XIRP2: variants seen among roughly 807,000 people sequenced by gnomAD.
XIRP2 encodes xin actin-binding repeat-containing protein 2.
A neutral mutation model predicts 277.0 loss-of-function variants in XIRP2; 236 were observed. The ratio of observed to expected loss-of-function variants is 0.85; its 90% confidence interval spans 0.77 to 0.95. The LOEUF (loss-of-function observed/expected upper bound fraction) is 0.95. XIRP2 is among the 40% of genes least tolerant of loss of function. The probability of loss-of-function intolerance (pLI) is 0.00; values close to 1 mark genes in which losing one functional copy is unlikely to be tolerated. For missense variants in XIRP2, 4,640 were observed against 4,157.5 expected (o/e 1.12, Z -3.19); for synonymous variants, 1,490 against 1,416.5 (o/e 1.05, Z -1.17).
At chr2:167,038,678 A>T (rs1213998699) in intron 2 of XIRP2, among the ~76,000 whole-genome samples, 1 of 151,968 alleles carries the variant, frequency 6.6e-6, no homozygotes, top group Non-Finnish European at 1.5e-5. Flanking sequence ...TTTTAAATAG[A>T]GAGTCCTATC....
chr2:167,223,396 G>A (rs1694490618), intron 5 of XIRP2, among the ~76,000 whole-genome samples: 1 of 152,162 alleles, frequency 6.6e-6, no homozygotes, highest in South Asian at 2.1e-4. Context: ...CTGAGTGACA[G>A]TATATATCTT....
intron 3 of XIRP2, among the ~76,000 whole-genome samples, chr2:167,169,407 A>G (rs1488400301): frequency 6.6e-6 from 1 of 152,228 alleles, no homozygotes; most frequent in African/African-American, 2.4e-5. Flanking sequence ...CTCCTCAAGT[A>G]CAGTTCACTT....
At chr2:166,933,489 A>G (rs1377421603) in intron 2 of XIRP2, among the ~76,000 whole-genome samples, 1 of 152,030 alleles carries the variant, frequency 6.6e-6, no homozygotes, top group East Asian at 1.9e-4. Context: ...ATCTCAAAAT[A>G]TTAAATCTCT....
chr2:167,110,550 G>C (rs938229902), intron 2 of XIRP2, among the ~76,000 whole-genome samples: 1 of 152,102 alleles, frequency 6.6e-6, no homozygotes, highest in African/African-American at 2.4e-5. Context: ...TTTTGTACCA[G>C]TAGCATGCTG....
chr2:166,967,616 G>A (rs774096743), intron 2 of XIRP2, among the ~76,000 whole-genome samples: 1 of 151,942 alleles, frequency 6.6e-6, no homozygotes, highest in Non-Finnish European at 1.5e-5. Flanking sequence ...AGAGGACAGA[G>A]GTCTTATGCT....
intron 2 of XIRP2, among the ~76,000 whole-genome samples, chr2:167,101,825 A>G (rs1690496384): frequency 6.6e-6 from 1 of 152,210 alleles, no homozygotes; most frequent in Non-Finnish European, 1.5e-5. Context: ...AATTTCAATC[A>G]AAAAAGTTGC....
chr2:166,950,038 G>A (rs1198926808), intron 2 of XIRP2, among the ~76,000 whole-genome samples: 1 of 151,882 alleles, frequency 6.6e-6, no homozygotes, highest in Non-Finnish European at 1.5e-5. Flanking sequence ...GATATAAAAG[G>A]ATATGTCATC....
chr2:167,245,167 G>A lies in XIRP2; in HGVS notation c.3775G>A (p.Glu1259Lys). 1 of 1,613,436 alleles carries A rather than the reference G, an allele frequency of 6.2e-7. No individual in the cohort carries two copies. Among genetic ancestry groups the A allele is most frequent in the Non-Finnish European group, 8.5e-7 (1 of 1,179,662 alleles). Residue 1259 changes from glutamate to lysine, a missense_variant, in exon 9 of 11, where the codon GAA becomes AAA. Glu to Lys is a moderately conservative substitution (Grantham distance 56). Coordinates refer to ENST00000409195, the MANE Select transcript of XIRP2 (RefSeq NM_152381.6). ...GATAAAAGAAAGCCAAGAAGGTGAT[G>A]AATGTGTTAAGACGGTGACAGACAT... Reference protein sequence around the residue: ...DKIKESQEGDECVKTVTDIQG... With the variant: ...DKIKESQEGDKCVKTVTDIQG...
At chr2:167,191,184 T>TC (rs1693319640) in intron 3 of XIRP2, among the ~76,000 whole-genome samples, 1 of 91,864 alleles carries the variant, frequency 1.1e-5, no homozygotes, top group Admixed American at 1.5e-4. Flanking sequence ...AGACCCTGTC[T>TC]CAAAAAAAAA....
At chr2:167,239,813 T>C in intron 5 of XIRP2, 42 bp from the exon 6 acceptor site, 1 of 1,529,166 alleles carries the variant, frequency 6.5e-7, no homozygotes, top group Non-Finnish European at 8.8e-7. Context: ...TTAAAATTTT[T>C]ACTTTTCTTA....
At chr2:167,071,438 G>T (rs776737932) in intron 2 of XIRP2, among the ~76,000 whole-genome samples, 3 of 152,146 alleles carry the variant, frequency 2.0e-5, no homozygotes, top group Non-Finnish European at 4.4e-5. Flanking sequence ...CGACACGCCG[G>T]AACAAGCCTG....
chr2:167,135,769 T>G (rs1176173159), intron 2 of XIRP2, 140 bp from the exon 3 acceptor site: 6 of 778,256 alleles, frequency 7.7e-6, no homozygotes, highest in Middle Eastern at 4.1e-4. Flanking sequence ...GTTATCAACA[T>G]TTTACCTGAA....
At chr2:167,005,180 T>A (rs1476273107) in intron 2 of XIRP2, among the ~76,000 whole-genome samples, 1 of 151,776 alleles carries the variant, frequency 6.6e-6, no homozygotes, top group African/African-American at 2.4e-5. Context: ...TTTCTGAGAG[T>A]CCCACTGCAC....
rs557203862 is a variant in XIRP2 at position 167,163,227 on chromosome 2, T to A, written c.562+27165T>A. ...CATATGTTAAGTCATTAATTAAATT[T>A]TTAAGAAACCATCAAACTGTTTTCC... is the stretch of plus-strand genomic sequence containing the variant. On this transcript the variant is annotated intron_variant, in intron 3 of 10. Coordinates refer to ENST00000409195, the MANE Select transcript of XIRP2 (RefSeq NM_152381.6). 9.8e-5 allele frequency among the ~76,000 whole-genome samples: 15 copies of A among 152,306 alleles called. No homozygotes were observed. In the East Asian group the frequency reaches 2.9e-3, roughly 29 times the overall value.
intron 2 of XIRP2, among the ~76,000 whole-genome samples, chr2:167,011,629 A>G (rs1242670830): frequency 3.3e-5 from 5 of 151,804 alleles, no homozygotes; most frequent in Admixed American, 2.0e-4. Flanking sequence ...ATTGATTGGA[A>G]TAGTTTCAGA....
intron 2 of XIRP2, among the ~76,000 whole-genome samples, chr2:166,948,402 A>G (rs1298851139): frequency 1.3e-5 from 2 of 152,218 alleles, no homozygotes; most frequent in South Asian, 2.1e-4. Flanking sequence ...TAAAAAGTCT[A>G]CTATGTGGTA....
chr2:167,039,301 T>A (rs558919876), intron 2 of XIRP2, among the ~76,000 whole-genome samples: 1 of 152,342 alleles, frequency 6.6e-6, no homozygotes, highest in Non-Finnish European at 1.5e-5. Context: ...TTTTCCTTTA[T>A]TAATCTATTC....
chr2:167,006,638 AG>A, intron 2 of XIRP2, among the ~76,000 whole-genome samples: 1 of 151,910 alleles, frequency 6.6e-6, no homozygotes, highest in South Asian at 2.1e-4. Context: ...TAGCCAGAGA[AG>A]AACATGTAAA....
chr2:167,059,301 A>G (rs1689118478), intron 2 of XIRP2, among the ~76,000 whole-genome samples: 2 of 150,842 alleles, frequency 1.3e-5, no homozygotes, highest in South Asian at 4.2e-4. Context: ...TATTTTTAGT[A>G]GAGATGGGGT....
Sources: gnomAD v4.1 joint callset for allele counts (sites outside exome capture counted in the v4.1 genomes callset) on GRCh38, gnomAD v4.1.1 for gene constraint, MANE v1.5 for transcripts, NCBI Gene and HGNC (gene_info 2026-07-23, HGNC 2026-07-21) for gene names.